Variants in GALNT13 observed in about 807,000 individuals in gnomAD.
GALNT13 encodes polypeptide N-acetylgalactosaminyltransferase 13, also known as UDP-GalNAc:polypeptide N-acetylgalactosaminyltransferase 13.
In GALNT13, 28 loss-of-function variants were observed where a neutral mutation model predicts 64.2. The ratio of observed to expected loss-of-function variants is 0.44; its 90% CI spans 0.32 to 0.60. GALNT13 has a LOEUF of 0.60. Ranked by LOEUF, GALNT13 falls within the 20% of genes least tolerant of loss-of-function variation. The pLI is 0.05. For missense variants in GALNT13, 577 were observed against 669.8 expected (o/e 0.86, Z 1.53); for synonymous variants, 214 against 224.6 (o/e 0.95, Z 0.42).
rs1476114108 is a variant in GALNT13 at position 154,451,449 on chromosome 2, G to A, written c.*898G>A. 4 of 152,064 alleles carry A rather than the reference G, an allele frequency of 2.6e-5. No individual in the cohort carries two copies. Among genetic ancestry groups the A allele is most frequent in the African/African-American group, 7.2e-5 (3 of 41,414 alleles). 9.4% of individuals were successfully genotyped at this position (152,064 alleles called of 1,614,324 possible). A position where few individuals can be genotyped will look rare whatever the true frequency, so the allele number is the denominator to read the frequency against. On this transcript the variant is annotated 3_prime_UTR_variant, in exon 13 of 13. Transcript: ENST00000392825. ...TGTACAGAATTGCAGGTGAAAGGGA[G>A]AATTTTAGACTTAATTTTTAACTCT...
the GALNT13 span, among the ~76,000 whole-genome samples, chr2:153,199,107 A>T: frequency 2.0e-5 from 3 of 152,134 alleles, no homozygotes; most frequent in Non-Finnish European, 4.4e-5. Flanking sequence ...TGAGAATTTG[A>T]TCCTGTGGGA....
chr2:153,552,497 G>A, the GALNT13 span, among the ~76,000 whole-genome samples: 1 of 151,234 alleles, frequency 6.6e-6, no homozygotes, highest in African/African-American at 2.4e-5. Context: ...GGTAGTTAGG[G>A]TTTACAAACA....
At chr2:153,378,554 AT>A in the GALNT13 span, among the ~76,000 whole-genome samples, 1 of 152,046 alleles carries the variant, frequency 6.6e-6, no homozygotes, top group East Asian at 1.9e-4. Context: ...AATTCAACAT[AT>A]TTTTTCCCAG....
the GALNT13 span, among the ~76,000 whole-genome samples, chr2:153,758,305 T>G: frequency 6.6e-6 from 1 of 150,780 alleles, no homozygotes; most frequent in Non-Finnish European, 1.5e-5. Context: ...AAATGGGGTT[T>G]TTTTTTTTTT....
chr2:153,435,863 T>C, the GALNT13 span, among the ~76,000 whole-genome samples: 4 of 152,132 alleles, frequency 2.6e-5, no homozygotes, highest in Non-Finnish European at 5.9e-5. Flanking sequence ...TCCAACACTA[T>C]GTTGAATAGG....
the GALNT13 span, among the ~76,000 whole-genome samples, chr2:153,791,252 C>T: frequency 6.6e-6 from 1 of 152,020 alleles, no homozygotes. Flanking sequence ...ATACCTGTGG[C>T]CAACAATAAT....
chr2:153,318,565 G>A, the GALNT13 span, among the ~76,000 whole-genome samples: 1 of 152,006 alleles, frequency 6.6e-6, no homozygotes, highest in Non-Finnish European at 1.5e-5. Flanking sequence ...TAGAGGAAGT[G>A]GAGTTAAGAG....
the GALNT13 span, among the ~76,000 whole-genome samples, chr2:153,856,140 T>C: frequency 1.3e-5 from 2 of 152,092 alleles, no homozygotes; most frequent in Middle Eastern, 3.2e-3. Flanking sequence ...GTTCTAGACA[T>C]AGTTGTGGTG....
At chr2:153,328,923 G>GGGCT in the GALNT13 span, among the ~76,000 whole-genome samples, 1 of 152,094 alleles carries the variant, frequency 6.6e-6, no homozygotes. Flanking sequence ...TTGAAAACCA[G>GGGCT]GGCTCTGTTG....
chr2:154,153,102 G>C (rs928070309), intron 4 of GALNT13, among the ~76,000 whole-genome samples: 1 of 152,132 alleles, frequency 6.6e-6, no homozygotes, highest in Non-Finnish European at 1.5e-5. Flanking sequence ...CGTACAGATG[G>C]GTTTTTGGTG....
chr2:154,379,129 C>T (rs766167210), intron 9 of GALNT13, among the ~76,000 whole-genome samples: 12 of 152,094 alleles, frequency 7.9e-5, no homozygotes, highest in Non-Finnish European at 1.8e-4. Context: ...AACAAAACTA[C>T]ATTAACTATG....
chr2:153,245,952 T>G, the GALNT13 span, among the ~76,000 whole-genome samples: 1 of 151,966 alleles, frequency 6.6e-6, no homozygotes, highest in African/African-American at 2.4e-5. Flanking sequence ...GAGAACAACA[T>G]AAATGACCTG....
At chr2:153,351,381 C>T in the GALNT13 span, among the ~76,000 whole-genome samples, 1 of 152,094 alleles carries the variant, frequency 6.6e-6, no homozygotes, top group Non-Finnish European at 1.5e-5. Flanking sequence ...TACCCCCTGC[C>T]CTAGAACATG....
chr2:153,682,313 T>G, the GALNT13 span, among the ~76,000 whole-genome samples: 1 of 151,792 alleles, frequency 6.6e-6, no homozygotes, highest in African/African-American at 2.4e-5. Flanking sequence ...AGACGTCTTC[T>G]GTAATATCGT....
chr2:153,654,629 G>T, the GALNT13 span, among the ~76,000 whole-genome samples: 1 of 151,432 alleles, frequency 6.6e-6, no homozygotes, highest in Non-Finnish European at 1.5e-5. Context: ...AAAAATATTT[G>T]AAAAAATAAT....
chr2:153,763,667 G>A, the GALNT13 span, among the ~76,000 whole-genome samples: 23 of 152,220 alleles, frequency 1.5e-4, no homozygotes, highest in East Asian at 1.7e-3. Context: ...TATTAGCAGC[G>A]TGAGAACAGA....
At chr2:153,557,451 A>G in the GALNT13 span, among the ~76,000 whole-genome samples, 1 of 152,132 alleles carries the variant, frequency 6.6e-6, no homozygotes, top group East Asian at 1.9e-4. Context: ...CCTCACTTCC[A>G]TCCTCGCCTG....
the GALNT13 span, among the ~76,000 whole-genome samples, chr2:153,490,871 A>G: frequency 6.6e-6 from 1 of 151,720 alleles, no homozygotes; most frequent in African/African-American, 2.4e-5. Flanking sequence ...GAGGCAGGAG[A>G]ATCACTTGAA....
upstream of GALNT13, among the ~76,000 whole-genome samples, chr2:153,868,908 A>T (rs867944987): frequency 3.9e-5 from 6 of 152,224 alleles, no homozygotes; most frequent in Admixed American, 3.3e-4. Flanking sequence ...ATAACTTTCA[A>T]CACTCATTCA....
Sources: allele counts gnomAD v4.1 joint callset (sites outside exome capture counted in the v4.1 genomes callset), GRCh38; gene constraint gnomAD v4.1.1; transcripts MANE v1.5; gene names NCBI Gene and HGNC (gene_info 2026-07-23, HGNC 2026-07-21).